The following L3MBTL1 variants were observed in gnomAD, a reference collection of about 807,000 sequenced individuals.
L3MBTL1 encodes lethal(3)malignant brain tumor-like protein 1.
Under a neutral mutation model 105.3 loss-of-function variants are expected in L3MBTL1, and 75 were observed. The observed-to-expected ratio is 0.71, with a 90% CI of 0.59 to 0.86. L3MBTL1 has a LOEUF of 0.86. Ranked by LOEUF, L3MBTL1 falls within the 40% of genes least tolerant of loss-of-function variation. L3MBTL1 has a pLI of 0.00. For missense variants in L3MBTL1, 1,069 were observed against 1,126.4 expected (o/e 0.95, Z 0.73); for synonymous variants, 452 against 436.2 (o/e 1.04, Z -0.45).
intron 18 of L3MBTL1, chr20:43,548,099 G>T (rs114452327): frequency 8.5e-7 from 1 of 1,180,508 alleles, no homozygotes; most frequent in Non-Finnish European, 1.1e-6. Context: ...CCTCCCTCCC[G>T]CAACCCCTCA....
chr20:43,519,074 T>C (rs1036453285), intron 7 of L3MBTL1, among the ~76,000 whole-genome samples: 5 of 151,456 alleles, frequency 3.3e-5, no homozygotes, highest in African/African-American at 1.2e-4. Context: ...CTAGGCATGG[T>C]CCCTGTAATC....
chr20:43,516,532 G>T (rs914440504), intron 7 of L3MBTL1, among the ~76,000 whole-genome samples: 1 of 152,154 alleles, frequency 6.6e-6, no homozygotes, highest in Non-Finnish European at 1.5e-5. Context: ...CTGGTCATTG[G>T]TCTAACATTC....
rs1450311242 is a variant in L3MBTL1 at position 43,515,020 on chromosome 20, C to G, written c.514C>G (p.Gln172Glu). The stretch of plus-strand genomic sequence containing the variant: ...TTTGGCCCCCGCAGAGGACCACCCC[C>G]AGAATCCTCCAGAAGATCCCAATCA... Reference protein sequence around the residue: ...AGPQQAEDHPQNPPEDPNQDP... With the variant: ...AGPQQAEDHPENPPEDPNQDP... The change falls in exon 5 of 22, where the codon CAG becomes GAG. Residue 172 changes from glutamine to glutamate, a missense_variant. Transcript: ENST00000418998. 6.2e-7 allele frequency: 1 copy of G among 1,613,912 alleles called. No homozygotes were observed. The highest frequency in any genetic ancestry group is 8.5e-7 in the Non-Finnish European group (1 of 1,179,848).
At chr20:43,508,820 T>TCA (rs1391707301) in intron 1 of L3MBTL1, among the ~76,000 whole-genome samples, 5 of 152,234 alleles carry the variant, frequency 3.3e-5, no homozygotes, top group Admixed American at 1.3e-4. Context: ...AACAGAGGCC[T>TCA]CAGCCTGACC....
rs1368404996 is a variant in L3MBTL1, at chr20:43,519,904, A to T, written c.862+3727A>T. Among the ~76,000 whole-genome samples, 5 of 152,174 alleles carry T rather than the reference A, an allele frequency of 3.3e-5. No homozygotes were observed. The East Asian group carries it at 9.6e-4, about 29-fold the overall frequency. On this transcript the variant is annotated intron_variant, in intron 7 of 21. Coordinates refer to ENST00000418998, the MANE Select transcript of L3MBTL1 (RefSeq NM_001377303.1). Reference sequence around the variant, plus strand: ...ATTAGTGCTTTTTCCATACATTTTTATAAGGTACCGGTTCTTAATAGCTTT... The same window carrying T: ...ATTAGTGCTTTTTCCATACATTTTTTTAAGGTACCGGTTCTTAATAGCTTT...
rs1044044396 is a variant in L3MBTL1 at position 43,530,168 on chromosome 20, G to C, written c.1057-116G>C. The C allele has an allele frequency of 7.7e-6, 10 of 1,306,658 alleles. No homozygotes were observed. The African/African-American group carries it at 1.3e-4, about 17-fold the overall frequency. 80.9% of individuals were successfully genotyped at this position (1,306,658 alleles called of 1,614,324 possible). ...TGGGAGGAAAGAAAGGTGGGGTTGGGGAACCTGCTAGCATTAGAGCCCCTG... is the reference window on the plus strand; with the variant it reads ...TGGGAGGAAAGAAAGGTGGGGTTGGCGAACCTGCTAGCATTAGAGCCCCTG... On this transcript the variant is annotated intron_variant, in intron 9 of 21. Transcript: ENST00000418998.
At chr20:43,538,166 C>T (rs2019725401) in intron 19 of L3MBTL1, among the ~76,000 whole-genome samples, 2 of 152,312 alleles carry the variant, frequency 1.3e-5, no homozygotes, top group South Asian at 4.1e-4. Context: ...CACCTAGACC[C>T]TCAGAGTAAG....
chr20:43,531,007 C>A, intron 11 of L3MBTL1, 118 bp downstream of exon 11: 1 of 812,960 alleles, frequency 1.2e-6, no homozygotes, highest in Non-Finnish European at 2.0e-6. Context: ...CAGCTTTGTT[C>A]TGATCTCTCA....
At chr20:43,529,084 G>C (rs142846603) in intron 8 of L3MBTL1, 180 bp from the exon 9 acceptor site, 20 of 612,988 alleles carry the variant, frequency 3.3e-5, no homozygotes, top group Non-Finnish European at 5.8e-5. Flanking sequence ...ATTTTTCAAG[G>C]GACCTGGGAG....
At chr20:43,512,075 C>A (rs2018149036) in intron 1 of L3MBTL1, among the ~76,000 whole-genome samples, 1 of 152,096 alleles carries the variant, frequency 6.6e-6, no homozygotes. Flanking sequence ...ACTGTAAGGG[C>A]AATAGAGAGC....
At chr20:43,550,928 T>A (rs2145513994) in exon 19 of L3MBTL1, 1 of 152,310 alleles carries the variant, frequency 6.6e-6, no homozygotes, top group South Asian at 2.1e-4. Flanking sequence ...CAAAACAACA[T>A]AAATAAACTT....
At chr20:43,514,888 T>TGGA in intron 4 of L3MBTL1, 112 bp downstream of exon 4, 1 of 1,460,894 alleles carries the variant, frequency 6.8e-7, no homozygotes. Context: ...TGGAGAAGGC[T>TGGA]GGAGGAGGCC....
chr20:43,528,820 T>C (rs1361199820), intron 8 of L3MBTL1, 75 bp downstream of exon 8: 12 of 1,120,862 alleles, frequency 1.1e-5, no homozygotes, highest in Non-Finnish European at 1.6e-5. Context: ...TCAGGCCTTC[T>C]GGCGTTTTCT....
intron 21 of L3MBTL1, 51 bp from the exon 22 acceptor site, chr20:43,540,883 G>A (rs1188237141): frequency 6.2e-7 from 1 of 1,612,072 alleles, no homozygotes; most frequent in Admixed American, 1.7e-5. Flanking sequence ...GGAAGCAGGT[G>A]CCCTCCCCAG....
At position 43,541,447 on chromosome 20, in the gene L3MBTL1, G is replaced by A. The variant is rs753267273; in HGVS notation, c.*319G>A. ...AATGATGAATGAATCATACCAGAAC[G>A]TCTAGTATAATTACAGTCATGCATT... is the stretch of plus-strand genomic sequence containing the variant. On this transcript the variant is annotated 3_prime_UTR_variant, in exon 22 of 22. Transcript: ENST00000418998. 4 of 309,156 alleles carry A rather than the reference G, an allele frequency of 1.3e-5. No homozygotes were observed. Among genetic ancestry groups the A allele is most frequent in the Admixed American group, 4.5e-5 (1 of 22,170 alleles). The allele number at this position is 309,156 out of a possible 1,614,324, so 19.2% of individuals were successfully genotyped here.
intron 19 of L3MBTL1, 40 bp downstream of exon 19, chr20:43,536,498 A>C (rs1037211371): frequency 1.2e-6 from 2 of 1,605,280 alleles, no homozygotes; most frequent in Admixed American, 3.3e-5. Flanking sequence ...TCCACCACAG[A>C]GTGTTCACAG....
At chr20:43,510,228 A>G (rs901709388) in intron 1 of L3MBTL1, among the ~76,000 whole-genome samples, 17 of 151,544 alleles carry the variant, frequency 1.1e-4, no homozygotes, top group Middle Eastern at 3.4e-3. Flanking sequence ...CCAACTCCTG[A>G]GCTCAAAGCG....
At chr20:43,529,505 T>A in intron 9 of L3MBTL1, 137 bp downstream of exon 9, 3 of 679,376 alleles carry the variant, frequency 4.4e-6, no homozygotes, top group Non-Finnish European at 7.8e-6. Flanking sequence ...CTGGAATACA[T>A]AGAAAGCTTA....
At chr20:43,519,001 A>G (rs1466426244) in intron 7 of L3MBTL1, among the ~76,000 whole-genome samples, 1 of 142,804 alleles carries the variant, frequency 7.0e-6, no homozygotes, top group Non-Finnish European at 1.5e-5. Flanking sequence ...ACTCCAACCT[A>G]GGCAACAGAC....
Sources: allele counts gnomAD v4.1 joint callset (sites outside exome capture counted in the v4.1 genomes callset), GRCh38; gene constraint gnomAD v4.1.1; transcripts MANE v1.5; gene names NCBI Gene and HGNC (gene_info 2026-07-23, HGNC 2026-07-21).